MYO18B: variants seen among roughly 807,000 people sequenced by gnomAD.
The protein encoded by MYO18B is myosin XVIIIB.
Under a neutral mutation model 273.0 loss-of-function variants are expected in MYO18B, and 204 were observed. That is an observed-to-expected ratio of 0.75 (90% confidence interval 0.67 to 0.84). The LOEUF (loss-of-function observed/expected upper bound fraction) is 0.84. MYO18B is among the 40% of genes least tolerant of loss of function. The pLI is 0.00. For missense variants in MYO18B, 3,212 were observed against 3,287.6 expected (o/e 0.98, Z 0.56); for synonymous variants, 1,330 against 1,305.7 (o/e 1.02, Z -0.40).
chr22:25,989,939 T>TG, intron 39 of MYO18B, among the ~76,000 whole-genome samples: 1 of 152,264 alleles, frequency 6.6e-6, no homozygotes, highest in South Asian at 2.1e-4. Context: ...TCTGACAGCC[T>TG]GGGGGCCCCA....
intron 1 of MYO18B, among the ~76,000 whole-genome samples, chr22:25,754,341 G>C (rs1199594084): frequency 6.6e-6 from 1 of 152,320 alleles, no homozygotes; most frequent in African/African-American, 2.4e-5. Flanking sequence ...AATTGACAGG[G>C]AGGATAGAAA....
chr22:26,051,216 CTTTTTTTTTT>C, the MYO18B span, among the ~76,000 whole-genome samples: 9 of 92,588 alleles, frequency 9.7e-5, no homozygotes, highest in Non-Finnish European at 1.5e-4. Flanking sequence ...TAATTGGTCC[CTTTTTTTTTT>C]TTTTTTTTTT....
intron 39 of MYO18B, among the ~76,000 whole-genome samples, chr22:25,991,916 A>AAAGGG (rs1438492255): frequency 2.0e-5 from 3 of 151,754 alleles, no homozygotes; most frequent in African/African-American, 7.3e-5. Context: ...GACAGACTTG[A>AAAGGG]AACTATCTTT....
chr22:25,921,576 T>G (rs1352238170), intron 34 of MYO18B, among the ~76,000 whole-genome samples, 167 bp downstream of exon 34: 1 of 150,966 alleles, frequency 6.6e-6, no homozygotes, highest in Non-Finnish European at 1.5e-5. Flanking sequence ...TCATGTGGAG[T>G]GTAGGTGAGG....
At chr22:26,037,336 A>G in the MYO18B span, among the ~76,000 whole-genome samples, 1 of 152,182 alleles carries the variant, frequency 6.6e-6, no homozygotes, top group Non-Finnish European at 1.5e-5. Context: ...GGCCAGCAGG[A>G]GCATCAGGAC....
intron 34 of MYO18B, among the ~76,000 whole-genome samples, chr22:25,928,217 A>G (rs2092448174): frequency 6.6e-6 from 1 of 152,046 alleles, no homozygotes; most frequent in Non-Finnish European, 1.5e-5. Context: ...TCCCAAAGCC[A>G]CAGGGAGCCA....
the MYO18B span, among the ~76,000 whole-genome samples, chr22:26,047,189 T>C: frequency 6.6e-6 from 1 of 150,626 alleles, no homozygotes; most frequent in Non-Finnish European, 1.5e-5. Context: ...TGTAGTGGCG[T>C]GATCTCGGCT....
intron 40 of MYO18B, among the ~76,000 whole-genome samples, chr22:25,998,162 C>T (rs919856693): frequency 3.9e-5 from 6 of 152,322 alleles, no homozygotes; most frequent in East Asian, 1.9e-4. Context: ...AGCATTTAAA[C>T]GTGTGCTCTC....
rs892217863 is a variant in MYO18B, at chr22:25,893,465, G to A, written c.4544-1691G>A. On this transcript the variant is annotated intron_variant, in intron 27 of 43. Coordinates refer to ENST00000335473, the MANE Select transcript of MYO18B (RefSeq NM_032608.7). Reference sequence around the variant, plus strand: ...AGGAGAACAGTTTCCCCTCTTGTTCGTGTTGCCCACTCATGCCACTTGCTC... The same window carrying A: ...AGGAGAACAGTTTCCCCTCTTGTTCATGTTGCCCACTCATGCCACTTGCTC... Among the ~76,000 whole-genome samples, 10 of 152,168 alleles carry A rather than the reference G, an allele frequency of 6.6e-5. No individual in the cohort carries two copies. In the East Asian group the frequency reaches 9.6e-4, roughly 15 times the overall value.
chr22:25,911,041 C>G lies in MYO18B; in HGVS notation c.5355C>G (p.Leu1785=). The change falls in exon 33 of 44, where the codon CTC becomes CTG. Residue 1785 remains leucine, a synonymous_variant. Transcript: ENST00000335473. ...ATTTGGAAGGCTTGATCGGAACCCT[C>G]TGTGACCAGGTAAGGGGGAGACATT... The part of the protein sequence containing the change: ...KQDLEGLIGT[L]CDQIGHRDFD... 6.2e-7 allele frequency: 1 copy of G among 1,602,190 alleles called. No individual in the cohort carries two copies. The highest frequency in any genetic ancestry group is 8.5e-7 in the Non-Finnish European group (1 of 1,174,230).
chr22:25,910,786 A>T (rs781209295), intron 32 of MYO18B, among the ~76,000 whole-genome samples, 160 bp from the exon 33 acceptor site: 4 of 152,078 alleles, frequency 2.6e-5, no homozygotes, highest in Non-Finnish European at 5.9e-5. Flanking sequence ...TAGGCTCTTA[A>T]ATTCTCCCAC....
At chr22:25,923,587 G>C (rs890951989) in intron 34 of MYO18B, among the ~76,000 whole-genome samples, 3 of 152,222 alleles carry the variant, frequency 2.0e-5, no homozygotes. Flanking sequence ...TCTAAGTGCA[G>C]AATTGAGAGA....
In MYO18B at chr22:25,768,853, A is replaced by G; in HGVS notation, c.937A>G (p.Ile313Val). 6.2e-7 allele frequency: 1 copy of G among 1,612,880 alleles called. No individual in the cohort carries two copies. Among genetic ancestry groups the G allele is most frequent in the African/African-American group, 1.3e-5 (1 of 75,042 alleles). ...TGAAGGGAAGCACGTAAGGCCCCAA[A>G]TCCCTGGGAGAAAGTGGGGAGGTTT... ...GSEGKHVRPQIPGRKWGGFLG... is the reference protein window; with the variant it reads ...GSEGKHVRPQVPGRKWGGFLG... Residue 313 changes from isoleucine to valine, a missense_variant, in exon 4 of 44, where the codon ATC becomes GTC. Ile to Val is a conservative substitution (Grantham distance 29). Transcript: ENST00000335473.
At chr22:25,926,199 C>T (rs540375644) in intron 34 of MYO18B, among the ~76,000 whole-genome samples, 12 of 151,742 alleles carry the variant, frequency 7.9e-5, no homozygotes, top group Admixed American at 1.3e-4. Context: ...AGCAAGACTG[C>T]GTCTCAAAAA....
intron 39 of MYO18B, among the ~76,000 whole-genome samples, chr22:25,966,677 CAG>C (rs1555970253): frequency 6.6e-6 from 1 of 152,176 alleles, no homozygotes; most frequent in Non-Finnish European, 1.5e-5. Flanking sequence ...AGAGAGCTGA[CAG>C]GGGAACCCGC....
At chr22:25,993,843 G>GA (rs1211603047) in intron 40 of MYO18B, among the ~76,000 whole-genome samples, 5 of 152,040 alleles carry the variant, frequency 3.3e-5, no homozygotes, top group Middle Eastern at 3.4e-3. Flanking sequence ...AATAGTCAAG[G>GA]AAAAAAACTG....
intron 43 of MYO18B, among the ~76,000 whole-genome samples, chr22:26,029,709 C>T (rs534647107): frequency 1.2e-4 from 19 of 152,268 alleles, no homozygotes; most frequent in Non-Finnish European, 2.5e-4. Context: ...GGCTTTGGAA[C>T]CAAACAAGAC....
the MYO18B span, among the ~76,000 whole-genome samples, chr22:26,061,135 C>T: frequency 1.3e-5 from 2 of 152,238 alleles, no homozygotes; most frequent in Non-Finnish European, 2.9e-5. Context: ...AGACCCTGGA[C>T]TCCAGTAACA....
rs1569249878 is a variant in MYO18B, at chr22:25,970,668, C to G, written c.6156+15304C>G. ...AAAACAAGCTACATCTGTCCTTGTT[C>G]AGGCAATTTGCAGCTGTCTGCAGCT... On this transcript the variant is annotated intron_variant, in intron 39 of 43. Transcript: ENST00000335473. 2.0e-5 allele frequency among the ~76,000 whole-genome samples: 3 copies of G among 152,206 alleles called. No individual in the cohort carries two copies. The South Asian group carries it at 6.2e-4, about 31-fold the overall frequency.
Sources: allele counts gnomAD v4.1 joint callset (sites outside exome capture counted in the v4.1 genomes callset), GRCh38; gene constraint gnomAD v4.1.1; transcripts MANE v1.5; gene names NCBI Gene and HGNC (gene_info 2026-07-23, HGNC 2026-07-21).